SUZ12: variants seen among roughly 807,000 people sequenced by gnomAD.
SUZ12 encodes the protein polycomb protein SUZ12.
In SUZ12, 17 loss-of-function variants were observed where a neutral mutation model predicts 87.3. That is an observed-to-expected ratio of 0.19 (90% CI 0.13 to 0.29). The LOEUF is 0.29. SUZ12 is among the 10% of genes least tolerant of loss of function. SUZ12 has a pLI of 1.00. For missense variants in SUZ12, 526 were observed against 912.2 expected, an observed-to-expected ratio of 0.58 and a Z score of 5.45; for synonymous variants, 253 against 312.4, an observed-to-expected ratio of 0.81 and a Z score of 2.01.
At chr17:31,960,564 C>T (rs1305190329) in intron 4 of SUZ12, among the ~76,000 whole-genome samples, 1 of 150,726 alleles carries the variant, frequency 6.6e-6, no homozygotes, top group Non-Finnish European at 1.5e-5. Context: ...GTCACATTCC[C>T]AATGTCACCT....
chr17:31,947,565 G>A, intron 3 of SUZ12, 52 bp from the exon 4 acceptor site: 1 of 1,569,938 alleles, frequency 6.4e-7, no homozygotes, highest in African/African-American at 1.4e-5. Flanking sequence ...AGTATAATTT[G>A]TTTCTTTTTC....
chr17:31,960,573 CTTTA>C (rs201842526), intron 4 of SUZ12, among the ~76,000 whole-genome samples: 16,208 of 151,754 alleles, frequency 0.11, 1,040 homozygotes, highest in Middle Eastern at 0.15. Flanking sequence ...CCAATGTCAC[CTTTA>C]TTTATTATTT....
intron 4 of SUZ12, among the ~76,000 whole-genome samples, chr17:31,948,928 C>T (rs1906788706): frequency 6.6e-6 from 1 of 152,154 alleles, no homozygotes; most frequent in Non-Finnish European, 1.5e-5. Context: ...TCTGGTCACC[C>T]ACCCTAGACA....
rs560238842 is a variant in SUZ12, at chr17:31,967,065, G to C, written c.505+869G>C. ...AATATAAACATTAGCCAGGCGTGGTGGTGGGTGCCTGTAGTCCCAGTTACT... is the reference window on the plus strand; with the variant it reads ...AATATAAACATTAGCCAGGCGTGGTCGTGGGTGCCTGTAGTCCCAGTTACT... On this transcript the variant is annotated intron_variant, in intron 5 of 15. Coordinates refer to ENST00000322652, the MANE Select transcript of SUZ12 (RefSeq NM_015355.4). 11 of 152,188 alleles carry C rather than the reference G, an allele frequency of 7.2e-5. No individual in the cohort carries two copies. The East Asian group carries it at 2.1e-3, about 30-fold the overall frequency. The allele number at this position is 152,188 out of a possible 1,614,324, so 9.4% of individuals were successfully genotyped here.
intron 3 of SUZ12, among the ~76,000 whole-genome samples, 193 bp downstream of exon 3, chr17:31,940,679 G>GTTC (rs1352718376): frequency 2.0e-5 from 3 of 151,434 alleles, no homozygotes; most frequent in Non-Finnish European, 4.4e-5. Context: ...TATAATCTTT[G>GTTC]TAAGTCTCAG....
intron 5 of SUZ12, among the ~76,000 whole-genome samples, chr17:31,970,523 G>T (rs1322191977): frequency 6.6e-6 from 1 of 152,066 alleles, no homozygotes; most frequent in Non-Finnish European, 1.5e-5. Context: ...AGCTACTCTG[G>T]AGATTGAATC....
intron 12 of SUZ12, 80 bp from the exon 13 acceptor site, chr17:31,994,484 C>T (rs1909868559): frequency 7.6e-7 from 1 of 1,314,048 alleles, no homozygotes; most frequent in South Asian, 1.9e-5. Flanking sequence ...TATTAAGAGC[C>T]CACAAATTCT....
intron 3 of SUZ12, among the ~76,000 whole-genome samples, chr17:31,945,897 G>C (rs1425039932): frequency 2.0e-5 from 3 of 152,060 alleles, no homozygotes; most frequent in Non-Finnish European, 2.9e-5. Flanking sequence ...CTCCTCAATA[G>C]TAACTTTCAG....
At chr17:31,968,060 C>T (rs474516) in intron 5 of SUZ12, among the ~76,000 whole-genome samples, 16,260 of 152,034 alleles carry the variant, frequency 0.11, 1,062 homozygotes, top group Middle Eastern at 0.15. Context: ...GTCTCAGCTA[C>T]TCAGGAGGCT....
chr17:31,966,098 T>C (rs775771709), intron 4 of SUZ12, 49 bp from the exon 5 acceptor site: 21 of 1,477,248 alleles, frequency 1.4e-5, no homozygotes, highest in Non-Finnish European at 1.8e-5. Flanking sequence ...TAGGTTATTT[T>C]ACTACAGAGC....
At position 31,972,602 on chromosome 17, in the gene SUZ12, G is replaced by T. The variant is rs564271904; in HGVS notation, c.506-544G>T. On this transcript the variant is annotated intron_variant, in intron 5 of 15. Transcript: ENST00000322652. Reference sequence around the variant, plus strand: ...AGCTAATTTTTTCACATTTTGTAGAGACGAGGTTTCTGTGTTGCGCAGGCT... The same window carrying T: ...AGCTAATTTTTTCACATTTTGTAGATACGAGGTTTCTGTGTTGCGCAGGCT... Among the ~76,000 whole-genome samples, 3 of 152,276 alleles carry T rather than the reference G, an allele frequency of 2.0e-5. No individual in the cohort carries two copies. In the East Asian group the frequency reaches 5.8e-4, roughly 29 times the overall value.
chr17:31,980,429 C>CTTTTTTTTTTTTTTTTTTT lies in SUZ12; in HGVS notation c.918-2551_918-2533dup, dbSNP rs58491591. 1.1e-4 allele frequency among the ~76,000 whole-genome samples: 6 copies of CTTTTTTTTTTTTTTTTTTT among 53,834 alleles called. 2 individuals carry two copies. Among genetic ancestry groups the CTTTTTTTTTTTTTTTTTTT allele is most frequent in the Non-Finnish European group, 1.7e-4 (5 of 30,162 alleles). 35.3% of individuals were successfully genotyped at this position (53,834 alleles called of 152,430 possible). ...TAAGATATACCAGAATCACCTTCTCCTTTTTTTTTTTTTTTTTTTTTTTTT... is the reference window on the plus strand; with the variant it reads ...TAAGATATACCAGAATCACCTTCTCCTTTTTTTTTTTTTTTTTTTTTTTTTTTTTTTTTTTTTTTTTTTT... On this transcript the variant is annotated intron_variant, in intron 8 of 15. Coordinates refer to ENST00000322652, the MANE Select transcript of SUZ12 (RefSeq NM_015355.4).
intron 8 of SUZ12, among the ~76,000 whole-genome samples, chr17:31,982,554 G>T (rs370188650): frequency 6.6e-6 from 1 of 152,134 alleles, no homozygotes; most frequent in Non-Finnish European, 1.5e-5. Flanking sequence ...AGCTACTCGG[G>T]AGGCTGAGGC....
intron 4 of SUZ12, 108 bp downstream of exon 4, chr17:31,947,793 C>A: frequency 3.3e-6 from 4 of 1,199,310 alleles, no homozygotes; most frequent in Non-Finnish European, 4.6e-6. Context: ...TAGAAGGAAT[C>A]TTAGAGGTCA....
At chr17:31,990,787 A>G (rs1462052178) in intron 10 of SUZ12, among the ~76,000 whole-genome samples, 1 of 151,504 alleles carries the variant, frequency 6.6e-6, no homozygotes, top group African/African-American at 2.4e-5. Flanking sequence ...TCTCTCTCTC[A>G]CCCTGGCTGG....
At chr17:31,980,513 C>G (rs1482800769) in intron 8 of SUZ12, among the ~76,000 whole-genome samples, 6 of 136,860 alleles carry the variant, frequency 4.4e-5, no homozygotes, top group African/African-American at 1.6e-4. Flanking sequence ...GCAAAGGCAC[C>G]ATCTCAGCTC....
intron 4 of SUZ12, among the ~76,000 whole-genome samples, chr17:31,949,583 C>T (rs1906823478): frequency 7.0e-6 from 1 of 143,574 alleles, no homozygotes; most frequent in African/African-American, 2.6e-5. Flanking sequence ...CTGCAACTGC[C>T]ACCTCCTGGA....
At chr17:31,968,958 A>G (rs1409436058) in intron 5 of SUZ12, among the ~76,000 whole-genome samples, 1 of 152,158 alleles carries the variant, frequency 6.6e-6, no homozygotes, top group East Asian at 1.9e-4. Context: ...TTGATATTGA[A>G]GTAAAAGAGA....
rs1245118268 is a variant in SUZ12, at chr17:31,945,339, A to C, written c.387-2278A>C. Reference sequence around the variant, plus strand: ...CTTTAAAGTCATACTCTCAGTCGTGATATTAATTCTGGTATATTTATTAAA... The same window carrying C: ...CTTTAAAGTCATACTCTCAGTCGTGCTATTAATTCTGGTATATTTATTAAA... On this transcript the variant is annotated intron_variant, in intron 3 of 15. Transcript: ENST00000322652. Among the ~76,000 whole-genome samples, 3 of 152,250 alleles carry C rather than the reference A, an allele frequency of 2.0e-5. 1 individual carries two copies. Among genetic ancestry groups the C allele is most frequent in the African/African-American group, 7.2e-5 (3 of 41,534 alleles).
Sources: allele counts gnomAD v4.1 joint callset (sites outside exome capture counted in the v4.1 genomes callset), GRCh38; gene constraint gnomAD v4.1.1; transcripts MANE v1.5; gene names NCBI Gene and HGNC (gene_info 2026-07-23, HGNC 2026-07-21).